The following CEP120 variants were observed in gnomAD, a reference collection of about 807,000 sequenced individuals.
CEP120 encodes centrosomal protein of 120 kDa.
CEP120 carries 113 observed loss-of-function variants against 126.5 expected under a neutral mutation model. The observed-to-expected ratio is 0.89, with a 90% CI of 0.77 to 1.04. The LOEUF (loss-of-function observed/expected upper bound fraction) is 1.04. Ranked by LOEUF, CEP120 falls within the 50% of genes least tolerant of loss-of-function variation. The probability of loss-of-function intolerance (pLI) is 0.00; values close to 1 mark genes in which losing one functional copy is unlikely to be tolerated. For missense variants in CEP120, 1,230 were observed against 1,155.7 expected (o/e 1.06, Z -0.93); for synonymous variants, 400 against 394.3 (o/e 1.01, Z -0.17).
intron 6 of CEP120, among the ~76,000 whole-genome samples, chr5:123,391,984 G>A (rs374080757): frequency 2.5e-4 from 38 of 152,014 alleles, no homozygotes; most frequent in East Asian, 1.5e-3. Context: ...GACTCTTCCA[G>A]ATAAATGTTA....
chr5:123,371,040 A>T (rs1326937350), intron 17 of CEP120, among the ~76,000 whole-genome samples: 1 of 152,046 alleles, frequency 6.6e-6, no homozygotes, highest in African/African-American at 2.4e-5. Flanking sequence ...TTAGCATCTA[A>T]GACATTCCCC....
chr5:123,393,167 A>C, intron 6 of CEP120, 133 bp downstream of exon 6: 1 of 775,320 alleles, frequency 1.3e-6, no homozygotes, highest in Admixed American at 2.7e-5. Flanking sequence ...AAAAATTAGA[A>C]GATGTGGCAG....
At position 123,345,553 on chromosome 5, in the gene CEP120, T is replaced by C. The variant is rs923098061; in HGVS notation, c.*966A>G. 1 of 152,198 alleles carries C rather than the reference T, an allele frequency of 6.6e-6. No individual in the cohort carries two copies. Among genetic ancestry groups the C allele is most frequent in the Non-Finnish European group, 1.5e-5 (1 of 68,032 alleles). 9.4% of individuals were successfully genotyped at this position (152,198 alleles called of 1,614,324 possible). A position where few individuals can be genotyped will look rare whatever the true frequency, so the allele number is the denominator to read the frequency against. ...TGGGAAACGTTGCTTTGAGGACAAA[T>C]GTTGGCTCTGAAGAATATGATATAA... On this transcript the variant is annotated 3_prime_UTR_variant, in exon 20 of 20. Transcript: ENST00000306467.
At chr5:123,389,506 G>T (rs1452733379) in intron 8 of CEP120, among the ~76,000 whole-genome samples, 1 of 151,504 alleles carries the variant, frequency 6.6e-6, no homozygotes, top group Non-Finnish European at 1.5e-5. Flanking sequence ...TTACTGTTTT[G>T]TTTTTTGTTT....
At chr5:123,407,505 T>G (rs1361997555) in intron 4 of CEP120, among the ~76,000 whole-genome samples, 1 of 152,160 alleles carries the variant, frequency 6.6e-6, no homozygotes, top group Non-Finnish European at 1.5e-5. Flanking sequence ...TATTACATGA[T>G]GATAAAGGAG....
At chr5:123,347,468 C>T (rs555669072) in intron 19 of CEP120, among the ~76,000 whole-genome samples, 152 of 152,126 alleles carry the variant, frequency 1.0e-3, no homozygotes, top group African/African-American at 3.4e-3. Context: ...TTTACATATG[C>T]CTAGTTCAAA....
rs1244763136 is a variant in CEP120, at chr5:123,400,646, C to CAT, written c.464-1364_464-1363dup. Reference sequence around the variant, plus strand: ...ATATACACATAAATACATACATATACATATATATATGGCTTTTTTTTTTTT... The same window carrying CAT: ...ATATACACATAAATACATACATATACATATATATATATGGCTTTTTTTTTTTT... On this transcript the variant is annotated intron_variant, in intron 4 of 19. Coordinates refer to ENST00000306467, the MANE Select transcript of CEP120 (RefSeq NM_001375405.1). Among the ~76,000 whole-genome samples, 75 of 130,698 alleles carry CAT rather than the reference C, an allele frequency of 5.7e-4. 1 individual carries two copies. The highest frequency in any genetic ancestry group is 1.9e-3 in the African/African-American group (66 of 34,858). 85.7% of individuals were successfully genotyped at this position (130,698 alleles called of 152,430 possible). A position where few individuals can be genotyped will look rare whatever the true frequency, so the allele number is the denominator to read the frequency against.
At chr5:123,373,391 C>T (rs1046518112) in intron 16 of CEP120, among the ~76,000 whole-genome samples, 1 of 151,934 alleles carries the variant, frequency 6.6e-6, no homozygotes, top group African/African-American at 2.4e-5. Context: ...AAGGAGTGAC[C>T]GGGAGATCCA....
At chr5:123,402,137 G>C in intron 4 of CEP120, 2 of 1,585,290 alleles carry the variant, frequency 1.3e-6, no homozygotes, top group South Asian at 2.2e-5. Flanking sequence ...GCAGGCTCTG[G>C]TTGACTGTGA....
chr5:123,385,140 AAG>A lies in CEP120; in HGVS notation c.1581-9_1581-8del, dbSNP rs1771930701. ...TTCAACCAGTAATGGAATCCTAAGG[AAG>A]AGAGAAACATGTGTTCATACCTATC... On this transcript the variant is annotated splice_polypyrimidine_tract_variant and splice_region_variant and intron_variant, in intron 10 of 19. Transcript: ENST00000306467. The A allele has an allele frequency of 6.2e-7, 1 of 1,606,964 alleles. No homozygotes were observed.
At chr5:123,386,693 A>AAGCC in intron 9 of CEP120, 26 bp from the exon 10 acceptor site, 2 of 1,419,930 alleles carry the variant, frequency 1.4e-6, no homozygotes, top group South Asian at 3.3e-5. Flanking sequence ...AAAAAAAAAA[A>AAGCC]AAAAAGCCTT....
chr5:123,386,547 C>A lies in CEP120; in HGVS notation c.1551G>T (p.Met517Ile). 2 of 1,584,210 alleles carry A rather than the reference C, an allele frequency of 1.3e-6. No homozygotes were observed. Among genetic ancestry groups the A allele is most frequent in the South Asian group, 1.2e-5 (1 of 85,448 alleles). The change falls in exon 10 of 20, where the codon ATG (methionine) becomes ATT (isoleucine). Residue 517 changes from methionine (M) to isoleucine (I), a missense_variant. Transcript: ENST00000306467. ...QSYCAFDFAT[M>I]PHQLQDTFLR... ...AGAAGGTGTCTTGCAGCTGATGAGG[C>A]ATAGTTGCAAAATCAAATGCACAGT...
chr5:123,402,719 G>T (rs1193469422), intron 4 of CEP120, among the ~76,000 whole-genome samples: 2 of 152,214 alleles, frequency 1.3e-5, no homozygotes, highest in Non-Finnish European at 2.9e-5. Context: ...ACTGTTCAAT[G>T]TATATTGATA....
chr5:123,418,374 G>T lies in CEP120; in HGVS notation c.191C>A (p.Ala64Glu). 6.2e-7 allele frequency: 1 copy of T among 1,602,390 alleles called. No homozygotes were observed. Among genetic ancestry groups the T allele is most frequent in the South Asian group, 1.1e-5 (1 of 89,306 alleles). ...TGATAATCACCTGTGCTGATGAAGC[G>T]CTTTCCTGTCAATTTCCCAAGCTAA... is the stretch of plus-strand genomic sequence containing the variant. ...TELAWEIDRKALHQHRLQRTP... is the reference protein window; with the variant it reads ...TELAWEIDRKELHQHRLQRTP... Residue 64 changes from alanine (A) to glutamate (E), a missense_variant, in exon 2 of 20, where the codon GCG becomes GAG. Physicochemically the swap from Ala to Glu is moderately radical, Grantham distance 107. Transcript: ENST00000306467.
chr5:123,377,714 T>C (rs977791930), intron 15 of CEP120, among the ~76,000 whole-genome samples, 179 bp from the exon 16 acceptor site: 21 of 152,138 alleles, frequency 1.4e-4, no homozygotes, highest in African/African-American at 5.1e-4. Context: ...TCAATCATTG[T>C]TTAATACTAT....
intron 6 of CEP120, among the ~76,000 whole-genome samples, chr5:123,392,785 T>C (rs1301664466): frequency 2.0e-5 from 3 of 152,196 alleles, no homozygotes; most frequent in East Asian, 1.9e-4. Flanking sequence ...GCTGGAATTA[T>C]AGGTGTGAGC....
intron 18 of CEP120, among the ~76,000 whole-genome samples, chr5:123,358,709 A>C (rs902550467): frequency 1.4e-5 from 2 of 140,838 alleles, no homozygotes; most frequent in Non-Finnish European, 1.6e-5. Flanking sequence ...CACACACACA[A>C]GTTAGAGGGT....
chr5:123,380,738 T>C (rs1016429280), intron 14 of CEP120, among the ~76,000 whole-genome samples: 1 of 152,102 alleles, frequency 6.6e-6, no homozygotes, highest in African/African-American at 2.4e-5. Flanking sequence ...GATAAACTCA[T>C]CTTGTCTTAA....
intron 18 of CEP120, among the ~76,000 whole-genome samples, chr5:123,352,497 T>C (rs952991757): frequency 1.3e-5 from 2 of 152,064 alleles, no homozygotes; most frequent in Admixed American, 1.3e-4. Flanking sequence ...ACCTGTCACA[T>C]ATCACCTCTG....
Sources: gnomAD v4.1 joint callset for allele counts (sites outside exome capture counted in the v4.1 genomes callset) on GRCh38, gnomAD v4.1.1 for gene constraint, MANE v1.5 for transcripts, NCBI Gene and HGNC (gene_info 2026-07-23, HGNC 2026-07-21) for gene names.